The following SCMH1 variants were observed in gnomAD, a reference collection of about 807,000 sequenced individuals.
SCMH1 encodes polycomb protein SCMH1.
A neutral mutation model predicts 70.8 loss-of-function variants in SCMH1; 37 were observed. The ratio of observed to expected loss-of-function variants is 0.52; its 90% CI spans 0.40 to 0.69. The LOEUF (loss-of-function observed/expected upper bound fraction) is 0.69, where lower values mean the gene tolerates loss of function less well. Among genes scored for constraint, SCMH1 ranks in the 30% least tolerant of loss-of-function variants. SCMH1 has a pLI of 0.00. For synonymous variants in SCMH1, 292 were observed against 307.4 expected, an observed-to-expected ratio of 0.95 and a Z score of 0.52; for missense variants, 607 against 827.3, an observed-to-expected ratio of 0.73 and a Z score of 3.27.
intron 2 of SCMH1, among the ~76,000 whole-genome samples, chr1:41,172,868 G>C (rs1572823706): frequency 6.6e-6 from 1 of 152,060 alleles, no homozygotes; most frequent in East Asian, 1.9e-4. Context: ...ATAGTGCTGG[G>C]AAAACTGGAT....
intron 11 of SCMH1, 35 bp from the exon 12 acceptor site, chr1:41,046,633 CCTGGCAGT>C (rs774152778): frequency 6.4e-7 from 1 of 1,565,162 alleles, no homozygotes; most frequent in Non-Finnish European, 8.8e-7. Flanking sequence ...AGCATGTCAG[CCTGGCAGT>C]GGAGTACAGC....
At position 41,044,171 on chromosome 1, in the gene SCMH1, C is replaced by T. The variant is rs1008505618; in HGVS notation, c.1498+2236G>A. Reference sequence around the variant, plus strand: ...AAGTGCATGGTCAGTTGGGCCAGGACTCTAAGTGGTAGGGTAGTGTGGAGA... The same window carrying T: ...AAGTGCATGGTCAGTTGGGCCAGGATTCTAAGTGGTAGGGTAGTGTGGAGA... On this transcript the variant is annotated intron_variant, in intron 12 of 14. Transcript: ENST00000337495. Among the ~76,000 whole-genome samples the T allele has an allele frequency of 3.9e-5, 6 of 152,176 alleles. No homozygotes were observed. The South Asian group carries it at 1.0e-3, about 26-fold the overall frequency.
chr1:41,239,878 G>A (rs1432375128), intron 1 of SCMH1, among the ~76,000 whole-genome samples: 1 of 152,156 alleles, frequency 6.6e-6, no homozygotes, highest in Non-Finnish European at 1.5e-5. Flanking sequence ...TCAAAGAGTT[G>A]CCTGCCTCAG....
intron 8 of SCMH1, 115 bp from the exon 9 acceptor site, chr1:41,075,566 T>G: frequency 1.3e-6 from 1 of 766,392 alleles, no homozygotes; most frequent in Non-Finnish European, 2.1e-6. Flanking sequence ...AAGAAGCTGG[T>G]TTCCTGGCAT....
intron 5 of SCMH1, among the ~76,000 whole-genome samples, chr1:41,147,175 AT>A (rs1313649242): frequency 2.0e-5 from 3 of 152,162 alleles, no homozygotes; most frequent in Non-Finnish European, 4.4e-5. Context: ...GAGCATCTCT[AT>A]TCATGTACTT....
At chr1:41,210,602 TA>T (rs1656784595) in intron 1 of SCMH1, among the ~76,000 whole-genome samples, 1 of 152,090 alleles carries the variant, frequency 6.6e-6, no homozygotes, top group African/African-American at 2.4e-5. Flanking sequence ...AAACAAGAAA[TA>T]GGGGAAGGAT....
At chr1:41,074,398 CTATT>C (rs1024941966) in intron 9 of SCMH1, among the ~76,000 whole-genome samples, 2 of 152,090 alleles carry the variant, frequency 1.3e-5, no homozygotes, top group Non-Finnish European at 2.9e-5. Context: ...AACATTAACA[CTATT>C]TATCTCTTAG....
At chr1:41,052,216 C>T (rs930844060) in intron 10 of SCMH1, among the ~76,000 whole-genome samples, 6 of 152,136 alleles carry the variant, frequency 3.9e-5, no homozygotes, top group South Asian at 2.1e-4. Context: ...AAGACCAATA[C>T]GGGGGTCTAC....
intron 8 of SCMH1, among the ~76,000 whole-genome samples, chr1:41,096,662 T>C (rs2149065543): frequency 6.6e-6 from 1 of 152,276 alleles, no homozygotes; most frequent in East Asian, 1.9e-4. Context: ...TGACCCTAAT[T>C]GTTCTGGGAC....
At chr1:41,138,304 T>C (rs1455757617) in intron 6 of SCMH1, among the ~76,000 whole-genome samples, 3 of 152,170 alleles carry the variant, frequency 2.0e-5, no homozygotes, top group Non-Finnish European at 2.9e-5. Flanking sequence ...GTCCTATAAA[T>C]ATAAAGGTAA....
exon 9 of SCMH1, chr1:41,075,328 T>C: frequency 6.2e-7 from 1 of 1,614,180 alleles, no homozygotes; most frequent in South Asian, 1.1e-5. Context: ...CCGGCCCCGC[T>C]TCTTTCCTGG....
intron 2 of SCMH1, among the ~76,000 whole-genome samples, chr1:41,185,021 A>T (rs565656982): frequency 1.3e-5 from 2 of 152,218 alleles, no homozygotes; most frequent in African/African-American, 4.8e-5. Context: ...AATACAATGA[A>T]TCAATGAATG....
chr1:41,031,104 T>C (rs1280765236), intron 13 of SCMH1, among the ~76,000 whole-genome samples: 5 of 152,004 alleles, frequency 3.3e-5, no homozygotes, highest in Admixed American at 1.3e-4. Context: ...CTGGGCAACA[T>C]TGCGAGACCC....
Position 41,200,498 on chromosome 1 carries a change from TAATAA to T in SCMH1, c.-117-14253_-117-14249del, listed in dbSNP as rs1654083984. Among the ~76,000 whole-genome samples, 3 of 106,654 alleles carry T rather than the reference TAATAA, an allele frequency of 2.8e-5. No homozygotes were observed. In the Admixed American group the frequency reaches 2.8e-4, roughly 10 times the overall value. The allele number at this position is 106,654 out of a possible 152,430, so 70.0% of individuals were successfully genotyped here. A position where few individuals can be genotyped will look rare whatever the true frequency, so the allele number is the denominator to read the frequency against. The stretch of plus-strand genomic sequence containing the variant: ...TCTCAAAAAAATATATAAATAAATG[TAATAA>T]TAATAATAATAATATAATAATAATA... On this transcript the variant is annotated intron_variant, in intron 1 of 14. Transcript: ENST00000337495.
At chr1:41,108,616 C>A (rs192212184) in intron 8 of SCMH1, among the ~76,000 whole-genome samples, 123 of 152,306 alleles carry the variant, frequency 8.1e-4, no homozygotes, top group Admixed American at 2.6e-3. Context: ...TCAGAGTTGG[C>A]TTGGCCACAG....
intron 12 of SCMH1, among the ~76,000 whole-genome samples, chr1:41,045,048 T>C (rs1646728931): frequency 6.6e-6 from 1 of 152,218 alleles, no homozygotes; most frequent in South Asian, 2.1e-4. Flanking sequence ...GAATCCCAGG[T>C]AGGCCTAACT....
At position 41,192,420 on chromosome 1, in the gene SCMH1, C is replaced by T. The variant is rs191624261; in HGVS notation, c.-117-6170G>A. Among the ~76,000 whole-genome samples, 172 of 152,008 alleles carry T rather than the reference C, an allele frequency of 1.1e-3. 3 individuals are homozygous for T. The highest frequency in any genetic ancestry group is 5.7e-4 in the Non-Finnish European group (39 of 67,946). On this transcript the variant is annotated intron_variant, in intron 1 of 14. Coordinates refer to ENST00000337495, the Ensembl canonical transcript of SCMH1. ...ACCAAGTTAACTTAGCCTCCTGTGC[C>T]TGAGTTTCCTCCGCAGCAAAATAAA...
chr1:41,233,054 A>G (rs1661621042), intron 1 of SCMH1, among the ~76,000 whole-genome samples: 1 of 152,148 alleles, frequency 6.6e-6, no homozygotes, highest in African/African-American at 2.4e-5. Context: ...CAGTTTCTTT[A>G]CTGAATAAAT....
chr1:41,101,014 T>C (rs563163933), intron 8 of SCMH1, among the ~76,000 whole-genome samples: 1 of 149,760 alleles, frequency 6.7e-6, no homozygotes, highest in South Asian at 2.1e-4. Flanking sequence ...GAACCTGGGG[T>C]TGGGGAGGCG....
Sources: gnomAD v4.1 joint callset for allele counts (sites outside exome capture counted in the v4.1 genomes callset) on GRCh38, gnomAD v4.1.1 for gene constraint, MANE v1.5 for transcripts, NCBI Gene and HGNC (gene_info 2026-07-23, HGNC 2026-07-21) for gene names.